Variants in MRPS2 observed in about 807,000 individuals in gnomAD.
MRPS2 encodes mitochondrial ribosomal protein S2.
Under a neutral mutation model 18.9 loss-of-function variants are expected in MRPS2, and 13 were observed. The observed-to-expected ratio is 0.69, with a 90% CI of 0.45 to 1.09. The LOEUF (loss-of-function observed/expected upper bound fraction) is 1.09. Among genes scored for constraint, MRPS2 ranks in the 50% least tolerant of loss-of-function variants. MRPS2 has a pLI of 0.00. For missense variants in MRPS2, 389 were observed against 421.7 expected, an observed-to-expected ratio of 0.92 and a Z score of 0.68; for synonymous variants, 186 against 178.4, an observed-to-expected ratio of 1.04 and a Z score of -0.34.
chr9:135,503,289 T>G, intron 3 of MRPS2: 3 of 1,377,010 alleles, frequency 2.2e-6, no homozygotes, highest in East Asian at 5.6e-5. Flanking sequence ...GTCAGTTCTA[T>G]TAGGATTCCT....
At chr9:135,502,133 G>A in intron 3 of MRPS2, 160 bp downstream of exon 3, 8 of 1,438,952 alleles carry the variant, frequency 5.6e-6, no homozygotes, top group Non-Finnish European at 7.3e-6. Context: ...AGAAGCAGGA[G>A]TTTATTCCTC....
In MRPS2 at chr9:135,503,755, CA is replaced by C; in HGVS notation, c.514del (p.Arg172GlyfsTer5). ...CGEYAHTRYF[R>X]GGMLTNARLL... The stretch of plus-strand genomic sequence containing the variant: ...GCGAGTACGCCCACACTCGCTACTT[CA>C]GGGGCGGCATGCTGACCAACGCGCG... On this transcript the variant is annotated frameshift_variant, in exon 4 of 4. Coordinates refer to ENST00000241600, the MANE Select transcript of MRPS2 (RefSeq NM_016034.5). LOFTEE classifies it high-confidence loss of function. 1 of 1,612,952 alleles carries C rather than the reference CA, an allele frequency of 6.2e-7. No individual in the cohort carries two copies. The highest frequency in any genetic ancestry group is 8.5e-7 in the Non-Finnish European group (1 of 1,179,970).
Position 135,503,583 on chromosome 9 carries a change from A to G in MRPS2, c.341A>G (p.Asp114Gly), listed in dbSNP as rs748202218. The change falls in exon 4 of 4, where the codon GAC becomes GGC. Residue 114 changes from aspartate (D) to glycine (G), a missense_variant. Physicochemically the swap from Asp to Gly is moderately conservative, Grantham distance 94. Transcript: ENST00000241600. ...PYIFGSRLDH[D>G]IIDLEQTATH... is the part of the protein sequence containing the mutation. ...ATCTTTGGGAGCCGCCTGGACCACG[A>G]CATCATCGACCTGGAACAGACAGCC... The G allele has an allele frequency of 6.2e-7, 1 of 1,613,646 alleles. No individual in the cohort carries two copies.
chr9:135,503,500 C>T (rs140404942), intron 3 of MRPS2, 42 bp from the exon 4 acceptor site: 17 of 1,572,122 alleles, frequency 1.1e-5, no homozygotes, highest in African/African-American at 1.3e-5. Flanking sequence ...GAGATGGCCC[C>T]GTGAACTCTC....
In MRPS2 at chr9:135,500,986, A is replaced by G. The variant is rs1159154462; in HGVS notation, c.44-12A>G. 6.2e-7 allele frequency: 1 copy of G among 1,610,312 alleles called. No individual in the cohort carries two copies. The highest frequency in any genetic ancestry group is 8.5e-7 in the Non-Finnish European group (1 of 1,179,188). On this transcript the variant is annotated splice_polypyrimidine_tract_variant and intron_variant, in intron 1 of 3. Transcript: ENST00000241600. ...GGACTCGGCGCCAGGACCTCTATCTACTTCCCCCCAGGTGCCCGGGCCCCG... is the reference window on the plus strand; with the variant it reads ...GGACTCGGCGCCAGGACCTCTATCTGCTTCCCCCCAGGTGCCCGGGCCCCG...
chr9:135,503,366 T>A, intron 3 of MRPS2, 176 bp from the exon 4 acceptor site: 2 of 1,414,288 alleles, frequency 1.4e-6, no homozygotes, highest in East Asian at 2.5e-5. Flanking sequence ...GTGGCCTGGA[T>A]GGGTCTGCAC....
intron 1 of MRPS2, 122 bp from the exon 2 acceptor site, chr9:135,500,876 G>T (rs1221422437): frequency 2.6e-6 from 4 of 1,538,268 alleles, no homozygotes; most frequent in Non-Finnish European, 3.5e-6. Flanking sequence ...GGGACTCGGG[G>T]AGGGCGCGGG....
At chr9:135,501,765 G>A (rs1831144533) in intron 2 of MRPS2, 79 bp from the exon 3 acceptor site, 18 of 1,574,124 alleles carry the variant, frequency 1.1e-5, no homozygotes, top group Non-Finnish European at 1.4e-5. Flanking sequence ...TTGGGAGCAG[G>A]GGTGGGCGGG....
chr9:135,500,595 C>G (rs1024870776), upstream of MRPS2: 35 of 1,180,950 alleles, frequency 3.0e-5, no homozygotes, highest in Non-Finnish European at 7.8e-6. Flanking sequence ...CTGGGGACAG[C>G]GCTGTGGCTC....
chr9:135,502,164 G>A, intron 3 of MRPS2, 191 bp downstream of exon 3: 1 of 1,393,004 alleles, frequency 7.2e-7, no homozygotes, highest in Non-Finnish European at 9.3e-7. Flanking sequence ...ACGCTCTTGT[G>A]TGCCTTGGTG....
intron 3 of MRPS2, 199 bp from the exon 4 acceptor site, chr9:135,503,343 G>A (rs1484984410): frequency 5.3e-5 from 76 of 1,423,136 alleles, no homozygotes; most frequent in Non-Finnish European, 6.7e-5. Context: ...CACGAGACGA[G>A]GCATGCAGAG....
At chr9:135,501,430 C>A in intron 2 of MRPS2, 3 of 1,117,808 alleles carry the variant, frequency 2.7e-6, no homozygotes, top group Non-Finnish European at 3.4e-6. Context: ...CAGGCGGGCC[C>A]AAGTGACCTG....
At position 135,501,875 on chromosome 9, in the gene MRPS2, C is replaced by T. The variant is rs1236902970; in HGVS notation, c.201C>T (p.Leu67=). ...DFNDKILNEP[L]KHSDFFNVKE... ...ACGACAAGATTTTGAATGAGCCCCT[C>T]AAGCACTCTGACTTCTTCAATGTCA... The change falls in exon 3 of 4, where the codon CTC becomes CTT. Residue 67 remains leucine, a synonymous_variant. Transcript: ENST00000241600. 1.2e-6 allele frequency: 2 copies of T among 1,613,710 alleles called. No individual in the cohort carries two copies. The highest frequency in any genetic ancestry group is 2.7e-5 in the African/African-American group (2 of 74,952).
chr9:135,501,406 G>T, intron 2 of MRPS2: 1 of 1,245,848 alleles, frequency 8.0e-7, no homozygotes. Flanking sequence ...GAGGCCCGGA[G>T]CCCCGAGCTC....
chr9:135,502,271 G>T, intron 3 of MRPS2: 1 of 1,203,556 alleles, frequency 8.3e-7, no homozygotes, highest in African/African-American at 1.6e-5. Flanking sequence ...TGTAAGGTTG[G>T]TCCCCCCGGA....
upstream of MRPS2, chr9:135,500,198 C>T (rs936252775): frequency 1.8e-5 from 6 of 339,424 alleles, no homozygotes; most frequent in Non-Finnish European, 3.2e-5. Context: ...GTCCACTCGG[C>T]AGGCAACGAT....
intron 3 of MRPS2, 124 bp from the exon 4 acceptor site, chr9:135,503,418 C>T: frequency 7.2e-7 from 1 of 1,391,642 alleles, no homozygotes. Context: ...TTGTGCTTCC[C>T]AGCCCATAGT....
chr9:135,501,094 T>A lies in MRPS2; in HGVS notation c.140T>A (p.Leu47His), dbSNP rs541444392. ...AGGACGCTTGGAAGCGCGACGGCCC[T>A]TATGATCCGCGAGTCGGAGGACAGC... ...SRRTLGSATA[L>H]MIRESEDSTD... The change falls in exon 2 of 4, where the codon CTT becomes CAT. Residue 47 changes from leucine to histidine, a missense_variant. Physicochemically the swap from Leu to His is moderately conservative, Grantham distance 99. Transcript: ENST00000241600. The A allele has an allele frequency of 1.9e-4, 310 of 1,606,050 alleles. 1 individual carries two copies. Among genetic ancestry groups the A allele is most frequent in the Non-Finnish European group, 1.5e-4 (172 of 1,177,478 alleles).
At chr9:135,501,653 C>T (rs1831140177) in intron 2 of MRPS2, 191 bp from the exon 3 acceptor site, 3 of 1,407,316 alleles carry the variant, frequency 2.1e-6, no homozygotes, top group African/African-American at 1.4e-5. Context: ...GGGATCAGAA[C>T]CTGGCTCCAG....
Sources: gnomAD v4.1 joint callset for allele counts on GRCh38, gnomAD v4.1.1 for gene constraint, MANE v1.5 for transcripts, NCBI Gene and HGNC (gene_info 2026-07-23, HGNC 2026-07-21) for gene names.